The following LRIF1 variants were observed in gnomAD, a reference collection of about 807,000 sequenced individuals.
The protein encoded by LRIF1 is ligand dependent nuclear receptor interacting factor 1, also known as ligand-dependent nuclear receptor-interacting factor 1.
Under a neutral mutation model 52.7 loss-of-function variants are expected in LRIF1, and 32 were observed. The observed-to-expected ratio is 0.61, with a 90% CI of 0.46 to 0.82. The LOEUF (loss-of-function observed/expected upper bound fraction) is 0.82. LRIF1 is among the 40% of genes least tolerant of loss of function. The probability of loss-of-function intolerance (pLI) is 0.00; values close to 1 mark genes in which losing one functional copy is unlikely to be tolerated. For missense variants in LRIF1, 887 were observed against 892.0 expected (o/e 0.99, Z 0.07); for synonymous variants, 323 against 317.4 (o/e 1.02, Z -0.19).
At chr1:110,877,797 T>C in the LRIF1 span, among the ~76,000 whole-genome samples, 1 of 152,226 alleles carries the variant, frequency 6.6e-6, no homozygotes, top group Non-Finnish European at 1.5e-5. Flanking sequence ...TGAGAGTTGA[T>C]GCTTTGGCTT....
At chr1:110,919,588 C>T in the LRIF1 span, among the ~76,000 whole-genome samples, 1 of 152,082 alleles carries the variant, frequency 6.6e-6, no homozygotes, top group South Asian at 2.1e-4. Flanking sequence ...CTAATACAAC[C>T]TCCAAACAAA....
the LRIF1 span, among the ~76,000 whole-genome samples, chr1:110,910,347 C>G: frequency 1.3e-5 from 2 of 151,462 alleles, no homozygotes; most frequent in African/African-American, 4.9e-5. Flanking sequence ...GCATGTAATC[C>G]CAGCACTTTG....
At chr1:110,927,045 A>T in the LRIF1 span, among the ~76,000 whole-genome samples, 14,078 of 152,192 alleles carry the variant, frequency 0.093, 766 homozygotes, top group African/African-American at 0.15. Flanking sequence ...ACAATGGTTA[A>T]CCATATGGAA....
At chr1:110,885,524 C>T in the LRIF1 span, among the ~76,000 whole-genome samples, 2 of 151,356 alleles carry the variant, frequency 1.3e-5, no homozygotes, top group Admixed American at 1.3e-4. Context: ...GGCGACAGAG[C>T]GAGACTCTGT....
chr1:110,896,721 T>C, the LRIF1 span: 1 of 1,612,938 alleles, frequency 6.2e-7, no homozygotes, highest in East Asian at 2.2e-5. Flanking sequence ...GCCCCTCAGA[T>C]CGAAAAGTGG....
chr1:110,899,222 C>T, the LRIF1 span: 1 of 1,530,762 alleles, frequency 6.5e-7, no homozygotes, highest in Non-Finnish European at 9.1e-7. Context: ...GGTGAAGAGA[C>T]TTGTTTCATC....
the LRIF1 span, among the ~76,000 whole-genome samples, chr1:110,898,432 T>G: frequency 1.0e-4 from 15 of 148,524 alleles, no homozygotes; most frequent in South Asian, 3.0e-3. Flanking sequence ...CTCAGAGATA[T>G]GAGTGATTCA....
chr1:110,883,611 A>G, the LRIF1 span, among the ~76,000 whole-genome samples: 1 of 152,000 alleles, frequency 6.6e-6, no homozygotes, highest in African/African-American at 2.4e-5. Context: ...AAGACTTGAT[A>G]TAGAATCAGT....
At chr1:110,922,367 A>G in the LRIF1 span, among the ~76,000 whole-genome samples, 1 of 152,198 alleles carries the variant, frequency 6.6e-6, no homozygotes, top group Non-Finnish European at 1.5e-5. Context: ...CTGCAATGTT[A>G]TGATGCAGCA....
chr1:110,919,578 C>G, the LRIF1 span, among the ~76,000 whole-genome samples: 62 of 152,202 alleles, frequency 4.1e-4, 1 homozygote, highest in Admixed American at 1.4e-3. Flanking sequence ...GGAACCCTAA[C>G]TAATACAACC....
At chr1:110,904,931 GA>G in the LRIF1 span, among the ~76,000 whole-genome samples, 1 of 152,160 alleles carries the variant, frequency 6.6e-6, no homozygotes, top group Non-Finnish European at 1.5e-5. Context: ...TAAATTTAAT[GA>G]AGAGATTAAA....
the LRIF1 span, chr1:110,880,405 GTTC>G: frequency 6.6e-6 from 1 of 151,960 alleles, no homozygotes; most frequent in African/African-American, 2.4e-5. Flanking sequence ...GGAAGAAGAG[GTTC>G]TTCTTCCTGT....
intron 1 of LRIF1, among the ~76,000 whole-genome samples, chr1:110,962,280 C>T (rs1307361149): frequency 2.0e-5 from 3 of 151,966 alleles, no homozygotes; most frequent in Non-Finnish European, 4.4e-5. Flanking sequence ...GCCCCTTCCC[C>T]CAAACTTCCA....
chr1:110,963,375 A>G (rs954514290), intron 1 of LRIF1: 1 of 315,962 alleles, frequency 3.2e-6, no homozygotes, highest in Non-Finnish European at 6.0e-6. Flanking sequence ...CGGTCCGCCT[A>G]TTAAACTTGA....
At chr1:110,942,324 C>G (rs955311107), downstream of LRIF1, 1 of 152,062 alleles carries the variant, frequency 6.6e-6, no homozygotes, top group Non-Finnish European at 1.5e-5. Flanking sequence ...AATTTGCATA[C>G]GCCTAGTTTC....
the LRIF1 span, among the ~76,000 whole-genome samples, chr1:110,886,870 T>TA: frequency 0.043 from 1,518 of 35,420 alleles, 24 homozygotes; most frequent in South Asian, 0.12. Context: ...TATATATATA[T>TA]TTTTTTTTTC....
chr1:110,958,497 T>C (rs925829249), intron 1 of LRIF1, among the ~76,000 whole-genome samples: 19 of 152,102 alleles, frequency 1.2e-4, no homozygotes, highest in Admixed American at 9.2e-4. Context: ...TGAAACTCCT[T>C]AAGGTGAGAG....
At chr1:110,919,968 A>G in the LRIF1 span, among the ~76,000 whole-genome samples, 2 of 152,254 alleles carry the variant, frequency 1.3e-5, no homozygotes, top group Non-Finnish European at 2.9e-5. Flanking sequence ...ATCATATGTC[A>G]TTAGGAAATT....
At chr1:110,908,302 G>A in the LRIF1 span, among the ~76,000 whole-genome samples, 7 of 152,200 alleles carry the variant, frequency 4.6e-5, no homozygotes, top group African/African-American at 1.7e-4. Flanking sequence ...AGCCTACACA[G>A]GTGAGAAAGT....
Sources: gnomAD v4.1 joint callset for allele counts (sites outside exome capture counted in the v4.1 genomes callset) on GRCh38, gnomAD v4.1.1 for gene constraint, MANE v1.5 for transcripts, NCBI Gene and HGNC (gene_info 2026-07-23, HGNC 2026-07-21) for gene names.